Variants in CFAP69 observed in about 807,000 individuals in gnomAD.
CFAP69 encodes cilia and flagella associated protein 69, also known as cilia- and flagella-associated protein 69.
Under a neutral mutation model 123.0 loss-of-function variants are expected in CFAP69, and 92 were observed. The ratio of observed to expected loss-of-function variants is 0.75; its 90% CI spans 0.63 to 0.89. The LOEUF (loss-of-function observed/expected upper bound fraction) is 0.89. Among genes scored for constraint, CFAP69 ranks in the 40% least tolerant of loss-of-function variants. The pLI is 0.00. For synonymous variants in CFAP69, 380 were observed against 364.3 expected, an observed-to-expected ratio of 1.04 and a Z score of -0.49; for missense variants, 1,067 against 1,096.9, an observed-to-expected ratio of 0.97 and a Z score of 0.39.
chr7:90,267,840 C>T (rs981475462), intron 5 of CFAP69, among the ~76,000 whole-genome samples: 3 of 152,158 alleles, frequency 2.0e-5, no homozygotes, highest in African/African-American at 7.2e-5. Context: ...TTACAACATG[C>T]TAGATGCTTT....
At chr7:90,301,322 C>CT (rs909471106) in intron 17 of CFAP69, 16 of 150,762 alleles carry the variant, frequency 1.1e-4, no homozygotes, top group Non-Finnish European at 1.2e-4. Flanking sequence ...AAACGGTTCA[C>CT]TTTTTTTTTT....
chr7:90,304,146 T>C (rs1038482499), intron 18 of CFAP69, 40 bp downstream of exon 18: 8 of 1,536,010 alleles, frequency 5.2e-6, no homozygotes, highest in African/African-American at 1.4e-5. Flanking sequence ...TCTGTTTTGC[T>C]AAGTATACAC....
At chr7:90,300,138 T>C in intron 17 of CFAP69, 79 bp downstream of exon 17, 2 of 1,231,876 alleles carry the variant, frequency 1.6e-6, no homozygotes, top group Non-Finnish European at 2.1e-6. Context: ...TAAGAAAGCA[T>C]CAGGCCTTTC....
Position 90,249,610 on chromosome 7 carries a change from T to C in CFAP69, c.120+4066T>C, listed in dbSNP as rs144801121. 3.0e-4 allele frequency among the ~76,000 whole-genome samples: 45 copies of C among 152,334 alleles called. No individual in the cohort carries two copies. In the East Asian group the frequency reaches 6.8e-3, roughly 23 times the overall value. On this transcript the variant is annotated intron_variant, in intron 1 of 22. Coordinates refer to ENST00000389297, the MANE Select transcript of CFAP69 (RefSeq NM_001039706.3). ...CAGTGAAATTCACCTTAATCATATG[T>C]TGAAATCACAAGATATCTAATTTAT...
intron 15 of CFAP69, 112 bp downstream of exon 15, chr7:90,288,464 A>G: frequency 8.1e-7 from 1 of 1,229,502 alleles, no homozygotes; most frequent in Non-Finnish European, 1.1e-6. Flanking sequence ...TCTTATGCAA[A>G]CATTATAGGA....
chr7:90,266,978 A>G (rs1302617277), intron 5 of CFAP69, among the ~76,000 whole-genome samples: 3 of 152,190 alleles, frequency 2.0e-5, no homozygotes, highest in Non-Finnish European at 2.9e-5. Flanking sequence ...ACAGGAAGCT[A>G]TGATAAATTA....
Position 90,271,821 on chromosome 7 carries a change from T to TG in CFAP69, c.725dup (p.Ile243AsnfsTer7), listed in dbSNP as rs778645145. On this transcript the variant is annotated frameshift_variant, in exon 8 of 23. Transcript: ENST00000389297. LOFTEE classifies it high-confidence loss of function. Reference sequence around the variant, plus strand: ...TAATGATGAAAGCACAAGCAGCCAGTGGAATCTGTACTCACCTCAATGACC... The same window carrying TG: ...TAATGATGAAAGCACAAGCAGCCAGTGGGAATCTGTACTCACCTCAATGACC... 1 of 1,590,224 alleles carries TG rather than the reference T, an allele frequency of 6.3e-7. No individual in the cohort carries two copies. The highest frequency in any genetic ancestry group is 2.3e-5 in the East Asian group (1 of 43,776).
chr7:90,267,854 C>G (rs541413737), intron 5 of CFAP69, among the ~76,000 whole-genome samples: 2 of 152,316 alleles, frequency 1.3e-5, no homozygotes, highest in East Asian at 3.9e-4. Context: ...ATGCTTTTCT[C>G]AGCCCTTTTC....
At position 90,262,110 on chromosome 7, in the gene CFAP69, G is replaced by A. The variant is rs540055234; in HGVS notation, c.356+54G>A. On this transcript the variant is annotated intron_variant, in intron 4 of 22. Coordinates refer to ENST00000389297, the MANE Select transcript of CFAP69 (RefSeq NM_001039706.3). ...GTAGTAACATGGAGTATTTTATTAT[G>A]TTTCTTATATCACAAACATACTATG... The A allele has an allele frequency of 2.0e-3, 2,253 of 1,150,500 alleles. 3 individuals carry two copies. Among genetic ancestry groups the A allele is most frequent in the Non-Finnish European group, 2.7e-3 (2,104 of 792,512 alleles). 71.3% of individuals were successfully genotyped at this position (1,150,500 alleles called of 1,614,324 possible).
At chr7:90,255,134 C>T (rs2116632085) in intron 1 of CFAP69, among the ~76,000 whole-genome samples, 2 of 152,306 alleles carry the variant, frequency 1.3e-5, no homozygotes, top group Admixed American at 6.5e-5. Flanking sequence ...TTTTATTTCT[C>T]AACTTATGGA....
intron 5 of CFAP69, among the ~76,000 whole-genome samples, chr7:90,267,289 G>A (rs1418814732): frequency 2.0e-5 from 3 of 152,106 alleles, no homozygotes; most frequent in African/African-American, 7.2e-5. Flanking sequence ...CACCCCACTT[G>A]CTGACCACCT....
chr7:90,314,139 A>C (rs1794561956), downstream of CFAP69, among the ~76,000 whole-genome samples: 1 of 152,212 alleles, frequency 6.6e-6, no homozygotes, highest in Non-Finnish European at 1.5e-5. Context: ...GGTCTGAGAC[A>C]TTGTCACAAC....
At chr7:90,245,702 C>G (rs534328845) in intron 1 of CFAP69, among the ~76,000 whole-genome samples, 158 bp downstream of exon 1, 9 of 152,180 alleles carry the variant, frequency 5.9e-5, no homozygotes, top group Admixed American at 2.0e-4. Flanking sequence ...TAATCCTGAT[C>G]CCCCACCCCC....
intron 4 of CFAP69, among the ~76,000 whole-genome samples, chr7:90,263,557 G>T (rs1413296610): frequency 2.6e-5 from 4 of 152,092 alleles, no homozygotes; most frequent in Admixed American, 1.3e-4. Context: ...TAGTTTTAGA[G>T]TCCTTCACTT....
chr7:90,283,374 G>A (rs1789771809), intron 13 of CFAP69, among the ~76,000 whole-genome samples: 1 of 151,996 alleles, frequency 6.6e-6, no homozygotes, highest in South Asian at 2.1e-4. Flanking sequence ...CAAGGCTTTT[G>A]GAGCTATTTT....
rs2117456005 is a variant in CFAP69, at chr7:90,307,757, T to C, written c.2464-11T>C. 1 of 1,554,942 alleles carries C rather than the reference T, an allele frequency of 6.4e-7. No homozygotes were observed. Among genetic ancestry groups the C allele is most frequent in the East Asian group, 2.3e-5 (1 of 44,258 alleles). On this transcript the variant is annotated splice_polypyrimidine_tract_variant and intron_variant, in intron 20 of 22. Coordinates refer to ENST00000389297, the MANE Select transcript of CFAP69 (RefSeq NM_001039706.3). ...AAAGAAACTGAAACTTAATTATCTTTCTCATTTCAGATACAGGCCACGCAC... is the reference window on the plus strand; with the variant it reads ...AAAGAAACTGAAACTTAATTATCTTCCTCATTTCAGATACAGGCCACGCAC...
chr7:90,245,386 A>G lies in CFAP69; in HGVS notation c.-39A>G, dbSNP rs759065739. The G allele has an allele frequency of 3.4e-5, 51 of 1,500,552 alleles. No homozygotes were observed. Among genetic ancestry groups the G allele is most frequent in the Admixed American group, 1.8e-4 (8 of 43,626 alleles). The allele number at this position is 1,500,552 out of a possible 1,614,324, so 93.0% of individuals were successfully genotyped here. A position where few individuals can be genotyped will look rare whatever the true frequency, so the allele number is the denominator to read the frequency against. On this transcript the variant is annotated 5_prime_UTR_variant, in exon 1 of 23. Coordinates refer to ENST00000389297, the MANE Select transcript of CFAP69 (RefSeq NM_001039706.3). ...AGCGGCTGCGGGCGCACTGTAGGACAGGAAGATCCCCCCACTCTCCACCCC... is the reference window on the plus strand; with the variant it reads ...AGCGGCTGCGGGCGCACTGTAGGACGGGAAGATCCCCCCACTCTCCACCCC...
At chr7:90,318,651 T>G in the CFAP69 span, 1 of 152,114 alleles carries the variant, frequency 6.6e-6, no homozygotes, top group East Asian at 1.9e-4. Context: ...AACTGATGTT[T>G]TCTTTAAAAC....
chr7:90,287,629 G>A (rs2117152845), intron 14 of CFAP69: 1 of 985,366 alleles, frequency 1.0e-6, no homozygotes, highest in East Asian at 1.1e-4. Context: ...CGCCTGTTTA[G>A]CTCCAAGCTT....
Sources: allele counts gnomAD v4.1 joint callset (sites outside exome capture counted in the v4.1 genomes callset), GRCh38; gene constraint gnomAD v4.1.1; transcripts MANE v1.5; gene names NCBI Gene and HGNC (gene_info 2026-07-23, HGNC 2026-07-21).